Variants in L3MBTL4 observed in about 807,000 individuals in gnomAD.
The protein encoded by L3MBTL4 is L3MBTL histone methyl-lysine binding protein 4, also known as lethal(3)malignant brain tumor-like protein 4.
L3MBTL4 carries 70 observed loss-of-function variants against 84.5 expected under a neutral mutation model. That is an observed-to-expected ratio of 0.83 (90% CI 0.68 to 1.01). The LOEUF is 1.01. Among genes scored for constraint, L3MBTL4 ranks in the 50% least tolerant of loss-of-function variants. L3MBTL4 has a pLI of 0.00. For missense variants in L3MBTL4, 715 were observed against 754.8 expected (o/e 0.95, Z 0.62); for synonymous variants, 274 against 259.8 (o/e 1.05, Z -0.52).
In L3MBTL4 at chr18:5,969,545, C is replaced by T. The variant is rs1471594413; in HGVS notation, c.1462G>A (p.Ala488Thr). The change falls in exon 17 of 19, where the codon GCG becomes ACG. Residue 488 changes from alanine (A) to threonine (T), a missense_variant. Physicochemically the swap from Ala to Thr is moderately conservative, Grantham distance 58. Transcript: ENST00000317931. ...NLFREYSVEQ[A>T]QQVLHQSVSM... The stretch of plus-strand genomic sequence containing the variant: ...ACTGACTGGTGAAGCACCTGCTGCG[C>T]CTGCTCCACCGAGTATTCTGTAAGA... 6.2e-7 allele frequency: 1 copy of T among 1,607,220 alleles called. No homozygotes were observed. The highest frequency in any genetic ancestry group is 1.1e-5 in the South Asian group (1 of 89,714).
At chr18:6,367,227 A>G (rs1337513335) in intron 1 of L3MBTL4, 2 of 152,274 alleles carry the variant, frequency 1.3e-5, no homozygotes, top group Non-Finnish European at 2.9e-5. Flanking sequence ...GCAGTAAAAC[A>G]CAGAAATGTG....
Position 6,168,254 on chromosome 18 carries a change from AG to A in L3MBTL4, c.1096+3573del, listed in dbSNP as rs568049078. Among the ~76,000 whole-genome samples, 314 of 152,300 alleles carry A rather than the reference AG, an allele frequency of 2.1e-3. 1 individual carries two copies. Among genetic ancestry groups the A allele is most frequent in the African/African-American group, 7.3e-3 (302 of 41,552 alleles). Reference sequence around the variant, plus strand: ...ATCGTGAAAATGGCCATACTGCCCAAGGTAATTTACAGATTCAATGCCATCC... The same window carrying A: ...ATCGTGAAAATGGCCATACTGCCCAAGTAATTTACAGATTCAATGCCATCC... On this transcript the variant is annotated intron_variant, in intron 13 of 18. Transcript: ENST00000317931.
At chr18:6,053,663 T>C (rs575233604) in intron 16 of L3MBTL4, among the ~76,000 whole-genome samples, 3 of 152,332 alleles carry the variant, frequency 2.0e-5, no homozygotes, top group Admixed American at 6.5e-5. Context: ...CTTTCCCCTT[T>C]AAAAACCTTG....
intron 16 of L3MBTL4, among the ~76,000 whole-genome samples, chr18:6,021,402 G>A (rs2055250614): frequency 6.6e-6 from 1 of 152,222 alleles, no homozygotes; most frequent in Non-Finnish European, 1.5e-5. Flanking sequence ...GTAGCATAAA[G>A]CTTGGTGAAG....
At chr18:6,041,708 C>T (rs1327438138) in intron 16 of L3MBTL4, among the ~76,000 whole-genome samples, 3 of 152,012 alleles carry the variant, frequency 2.0e-5, no homozygotes, top group African/African-American at 4.8e-5. Context: ...TTTCTATGCG[C>T]CCAGTGGACT....
At chr18:6,237,761 T>C (rs757861171) in intron 10 of L3MBTL4, among the ~76,000 whole-genome samples, 1 of 152,136 alleles carries the variant, frequency 6.6e-6, no homozygotes, top group Non-Finnish European at 1.5e-5. Flanking sequence ...CAGCACCTAA[T>C]GCATCTTTAT....
At chr18:6,213,762 A>G (rs1451956865) in intron 11 of L3MBTL4, among the ~76,000 whole-genome samples, 3 of 152,218 alleles carry the variant, frequency 2.0e-5, no homozygotes. Flanking sequence ...ATTTCATCCG[A>G]TTCACAAAAA....
Position 6,081,303 on chromosome 18 carries a change from AT to A in L3MBTL4, c.1374-353del, listed in dbSNP as rs563783303. The A allele has an allele frequency of 1.8e-4, 32 of 176,140 alleles. No individual in the cohort carries two copies. In the South Asian group the frequency reaches 2.2e-3, roughly 12 times the overall value. 10.9% of individuals were successfully genotyped at this position (176,140 alleles called of 1,614,324 possible). A position where few individuals can be genotyped will look rare whatever the true frequency, so the allele number is the denominator to read the frequency against. ...AAGTAAATAATAATTGCTACTGATGATTTTAAGGCTCATTATTTTAATCAGA... is the reference window on the plus strand; with the variant it reads ...AAGTAAATAATAATTGCTACTGATGATTTAAGGCTCATTATTTTAATCAGA... On this transcript the variant is annotated intron_variant, in intron 15 of 18. Coordinates refer to ENST00000317931, the MANE Select transcript of L3MBTL4 (RefSeq NM_001330559.2).
At position 6,079,689 on chromosome 18, in the gene L3MBTL4, T is replaced by C. The variant is rs1404174992; in HGVS notation, c.1444+1192A>G. Among the ~76,000 whole-genome samples the C allele has an allele frequency of 7.9e-5, 12 of 152,220 alleles. 1 individual carries two copies. The highest frequency in any genetic ancestry group is 7.9e-4 in the Admixed American group (12 of 15,278). ...GGAGATATTTTCAAAAGTGTCAAAC[T>C]ATGAATTACAACACTGGCACTTTTT... On this transcript the variant is annotated intron_variant, in intron 16 of 18. Transcript: ENST00000317931.
rs1555694509 is a variant in L3MBTL4, at chr18:6,222,949, T to TTATAATATAATTAA, written c.785-7115_785-7114insTTAATTATATTATA. On this transcript the variant is annotated intron_variant, in intron 10 of 18. Transcript: ENST00000317931. ...TTTCTTTGGACTGTAAATTTTTCTA[T>TTATAATATAATTAA]TATAATATAATATAATATAATATAA... is the stretch of plus-strand genomic sequence containing the variant. Among the ~76,000 whole-genome samples, 330 of 145,640 alleles carry TTATAATATAATTAA rather than the reference T, an allele frequency of 2.3e-3. 3 individuals are homozygous for TTATAATATAATTAA. The highest frequency in any genetic ancestry group is 7.9e-3 in the African/African-American group (315 of 40,076).
At chr18:6,034,194 T>C (rs1392997941) in intron 16 of L3MBTL4, among the ~76,000 whole-genome samples, 6 of 152,056 alleles carry the variant, frequency 3.9e-5, no homozygotes, top group East Asian at 1.9e-4. Flanking sequence ...ATGTGCACAA[T>C]GTGCAGGTTA....
intron 10 of L3MBTL4, among the ~76,000 whole-genome samples, chr18:6,223,112 T>C (rs935511648): frequency 1.3e-5 from 2 of 152,046 alleles, no homozygotes; most frequent in Non-Finnish European, 2.9e-5. Context: ...CAATTGGTGA[T>C]TCTAGAGAAT....
At position 5,963,176 on chromosome 18, in the gene L3MBTL4, G is replaced by A. The variant is rs1387446412; in HGVS notation, c.1615-3020C>T. On this transcript the variant is annotated intron_variant, in intron 17 of 18. Transcript: ENST00000317931. ...GCACAGGGACAGTGGCTTCCCCACT[G>A]GTAGGGAAAGAAGTGGTTGGTTAGA... Among the ~76,000 whole-genome samples the A allele has an allele frequency of 2.0e-5, 3 of 152,312 alleles. No individual in the cohort carries two copies. The South Asian group carries it at 6.2e-4, about 32-fold the overall frequency.
chr18:6,385,278 T>G lies in L3MBTL4; in HGVS notation c.-91+29523A>C, dbSNP rs1045954611. Among the ~76,000 whole-genome samples the G allele has an allele frequency of 2.0e-5, 3 of 152,106 alleles. No homozygotes were observed. In the East Asian group the frequency reaches 5.8e-4, roughly 29 times the overall value. ...TTGGCTGAGCATAGTGGCATGTGCC[T>G]GTAGTCCCAGCTACTCTAGAGGCTG... On this transcript the variant is annotated intron_variant, in intron 1 of 18. Transcript: ENST00000317931.
chr18:6,071,838 GAA>G lies in L3MBTL4; in HGVS notation c.1444+9041_1444+9042del, dbSNP rs1416288140. Reference sequence around the variant, plus strand: ...AAGGAAAGAAAGAAAGAAAGAAAGAGAAAGAGAGAGAGGGAGGGAGGGAGGAA... The same window carrying G: ...AAGGAAAGAAAGAAAGAAAGAAAGAGAGAGAGAGAGGGAGGGAGGGAGGAA... On this transcript the variant is annotated intron_variant, in intron 16 of 18. Coordinates refer to ENST00000317931, the MANE Select transcript of L3MBTL4 (RefSeq NM_001330559.2). 7.1e-5 allele frequency among the ~76,000 whole-genome samples: 8 copies of G among 112,470 alleles called. No individual in the cohort carries two copies. The East Asian group carries it at 1.1e-3, about 15-fold the overall frequency. 73.8% of individuals were successfully genotyped at this position (112,470 alleles called of 152,430 possible). A position where few individuals can be genotyped will look rare whatever the true frequency, so the allele number is the denominator to read the frequency against.
intron 1 of L3MBTL4, among the ~76,000 whole-genome samples, chr18:6,400,247 G>T (rs1400547388): frequency 6.6e-6 from 1 of 152,104 alleles, no homozygotes. Context: ...CCTTTCCTTT[G>T]CATCTGGTTT....
At chr18:6,153,506 A>G (rs1598925935) in intron 13 of L3MBTL4, among the ~76,000 whole-genome samples, 1 of 152,126 alleles carries the variant, frequency 6.6e-6, no homozygotes, top group African/African-American at 2.4e-5. Context: ...GCTCATTGTT[A>G]GTGTATAAAG....
chr18:6,116,771 G>A (rs1033376740), intron 14 of L3MBTL4, among the ~76,000 whole-genome samples: 2 of 152,162 alleles, frequency 1.3e-5, no homozygotes, highest in South Asian at 2.1e-4. Flanking sequence ...TAATACATAC[G>A]CATGCTGTTT....
chr18:6,323,632 A>C (rs552375757), intron 1 of L3MBTL4, among the ~76,000 whole-genome samples: 1 of 152,232 alleles, frequency 6.6e-6, no homozygotes, highest in Non-Finnish European at 1.5e-5. Context: ...CAAAGCCTTC[A>C]AGAGGTGGCC....
Sources: gnomAD v4.1 joint callset for allele counts (sites outside exome capture counted in the v4.1 genomes callset) on GRCh38, gnomAD v4.1.1 for gene constraint, MANE v1.5 for transcripts, NCBI Gene and HGNC (gene_info 2026-07-23, HGNC 2026-07-21) for gene names.